KCNH5: variants seen among roughly 807,000 people sequenced by gnomAD.
The protein encoded by KCNH5 is voltage-gated delayed rectifier potassium channel KCNH5.
Under a neutral mutation model 96.1 loss-of-function variants are expected in KCNH5, and 46 were observed. The observed-to-expected ratio is 0.48, with a 90% CI of 0.38 to 0.61. The LOEUF (loss-of-function observed/expected upper bound fraction) is 0.61. KCNH5 is among the 20% of genes least tolerant of loss of function. The probability of loss-of-function intolerance (pLI) is 0.00; values close to 1 mark genes in which losing one functional copy is unlikely to be tolerated. For missense variants in KCNH5, 907 were observed against 1,225.8 expected, an observed-to-expected ratio of 0.74 and a Z score of 3.88; for synonymous variants, 439 against 449.8, an observed-to-expected ratio of 0.98 and a Z score of 0.30.
chr14:63,000,593 G>A (rs781322147), intron 4 of KCNH5, among the ~76,000 whole-genome samples: 49 of 152,192 alleles, frequency 3.2e-4, no homozygotes, highest in Non-Finnish European at 5.7e-4. Flanking sequence ...CTACACAACA[G>A]AATAAATAAA....
intron 7 of KCNH5, among the ~76,000 whole-genome samples, chr14:62,871,581 A>T (rs1006506292): frequency 6.6e-6 from 1 of 152,188 alleles, no homozygotes; most frequent in Non-Finnish European, 1.5e-5. Context: ...GAAATTTAGG[A>T]TGTAGTTCTG....
chr14:62,767,307 G>A (rs765881950), intron 10 of KCNH5, among the ~76,000 whole-genome samples: 1 of 152,128 alleles, frequency 6.6e-6, no homozygotes, highest in Non-Finnish European at 1.5e-5. Context: ...ATTTGACCCA[G>A]CAATCCCATT....
At chr14:62,806,644 C>T (rs1393484844) in intron 8 of KCNH5, among the ~76,000 whole-genome samples, 1 of 152,082 alleles carries the variant, frequency 6.6e-6, no homozygotes, top group Non-Finnish European at 1.5e-5. Flanking sequence ...AGAGGCTCAA[C>T]TTAGGGGAGT....
At chr14:62,779,954 G>A in intron 9 of KCNH5, 30 bp from the exon 10 acceptor site, 1 of 1,554,006 alleles carries the variant, frequency 6.4e-7, no homozygotes, top group South Asian at 1.2e-5. Flanking sequence ...ACATATTCAA[G>A]TATCTAACAC....
rs538481552 is a variant in KCNH5 at position 62,988,708 on chromosome 14, G to C, written c.434-1521C>G. Among the ~76,000 whole-genome samples the C allele has an allele frequency of 4.8e-4, 73 of 152,010 alleles. 4 individuals carry two copies. The South Asian group carries it at 5.6e-3, about 12-fold the overall frequency. On this transcript the variant is annotated intron_variant, in intron 4 of 10. Transcript: ENST00000322893. ...ATGTGCTGTGGAAACAAAAAAAAAG[G>C]GTATTAGATATGACACCAACTCTCT...
Position 62,817,786 on chromosome 14 carries a change from A to G in KCNH5, c.1570-15205T>C, listed in dbSNP as rs140287710. On this transcript the variant is annotated intron_variant, in intron 8 of 10. Coordinates refer to ENST00000322893, the MANE Select transcript of KCNH5 (RefSeq NM_139318.5). Reference sequence around the variant, plus strand: ...ATTCCTATATATTCTAGGAATATATATATATATTCTATATATATTCTAGGA... The same window carrying G: ...ATTCCTATATATTCTAGGAATATATGTATATATTCTATATATATTCTAGGA... Among the ~76,000 whole-genome samples, 572 of 128,146 alleles carry G rather than the reference A, an allele frequency of 4.5e-3. 28 individuals are homozygous for G. In the East Asian group the frequency reaches 0.16, roughly 37 times the overall value. The allele number at this position is 128,146 out of a possible 152,430, so 84.1% of individuals were successfully genotyped here.
At chr14:63,041,779 C>T (rs984533526) in intron 1 of KCNH5, among the ~76,000 whole-genome samples, 9 of 152,020 alleles carry the variant, frequency 5.9e-5, no homozygotes, top group African/African-American at 1.2e-4. Flanking sequence ...TTGCAATGCT[C>T]GCTTATAACA....
intron 8 of KCNH5, among the ~76,000 whole-genome samples, chr14:62,849,366 C>T (rs1566681197): frequency 1.3e-5 from 2 of 152,106 alleles, no homozygotes; most frequent in Non-Finnish European, 2.9e-5. Context: ...CAACAAATTA[C>T]TGTGAGAGGT....
intron 5 of KCNH5, among the ~76,000 whole-genome samples, chr14:62,983,320 G>T (rs1399585734): frequency 6.6e-6 from 1 of 151,346 alleles, no homozygotes; most frequent in African/African-American, 2.4e-5. Flanking sequence ...GTTCCAGTGA[G>T]CTGAGATCAC....
At position 63,045,046 on chromosome 14, in the gene KCNH5, T is replaced by C. The variant is rs567078443; in HGVS notation, c.73+68A>G. 1.3e-5 allele frequency: 15 copies of C among 1,189,822 alleles called. No homozygotes were observed. The African/African-American group carries it at 2.2e-4, about 18-fold the overall frequency. The allele number at this position is 1,189,822 out of a possible 1,614,324, so 73.7% of individuals were successfully genotyped here. ...CTCCCCCCTTGGGAGAGGGATGGGA[T>C]GGGGAGGATGGGGGGCGCGTGTGGG... On this transcript the variant is annotated intron_variant, in intron 1 of 10. Coordinates refer to ENST00000322893, the MANE Select transcript of KCNH5 (RefSeq NM_139318.5).
chr14:62,798,040 T>C (rs1886576010), intron 9 of KCNH5, among the ~76,000 whole-genome samples: 1 of 152,164 alleles, frequency 6.6e-6, no homozygotes, highest in African/African-American at 2.4e-5. Flanking sequence ...AAATAACTGA[T>C]TCTACTTAAA....
rs200341541 is a variant in KCNH5 at position 62,900,981 on chromosome 14, T to TTTTTG, written c.1369+49147_1369+49151dup. On this transcript the variant is annotated intron_variant, in intron 7 of 10. Coordinates refer to ENST00000322893, the MANE Select transcript of KCNH5 (RefSeq NM_139318.5). ...TAGTATACATGAAATGCTTCCTATC[T>TTTTTG]TTTTGTTTTGTTTTGTTTTGTTTTT... 3.1e-3 allele frequency among the ~76,000 whole-genome samples: 465 copies of TTTTTG among 152,140 alleles called. 7 individuals are homozygous for TTTTTG. The highest frequency in any genetic ancestry group is 0.01 in the African/African-American group (432 of 41,486).
At chr14:62,772,725 T>G (rs936870819) in intron 10 of KCNH5, among the ~76,000 whole-genome samples, 1 of 152,070 alleles carries the variant, frequency 6.6e-6, no homozygotes, top group Non-Finnish European at 1.5e-5. Flanking sequence ...TACAGCAGTA[T>G]TGACATGTTA....
chr14:62,980,705 T>C (rs373410349), intron 6 of KCNH5, among the ~76,000 whole-genome samples, 167 bp downstream of exon 6: 5 of 152,300 alleles, frequency 3.3e-5, no homozygotes, highest in Middle Eastern at 3.4e-3. Flanking sequence ...AAGAAACAGA[T>C]GAAAACTAAT....
intron 7 of KCNH5, among the ~76,000 whole-genome samples, chr14:62,925,272 A>G (rs1268708932): frequency 1.3e-5 from 2 of 152,036 alleles, no homozygotes; most frequent in Non-Finnish European, 1.5e-5. Flanking sequence ...GCCCACTTCA[A>G]CACTAATTAA....
chr14:62,714,526 G>A (rs1458508280), intron 10 of KCNH5, among the ~76,000 whole-genome samples: 1 of 152,070 alleles, frequency 6.6e-6, no homozygotes, highest in Non-Finnish European at 1.5e-5. Context: ...CTGGCAAATT[G>A]TAACTCAAAA....
chr14:62,964,296 G>A (rs1270439859), intron 6 of KCNH5, among the ~76,000 whole-genome samples: 1 of 152,074 alleles, frequency 6.6e-6, no homozygotes, highest in Non-Finnish European at 1.5e-5. Flanking sequence ...CATCACTTGA[G>A]GTCACTTGAA....
chr14:62,712,863 T>C (rs1884601777), intron 10 of KCNH5: 1 of 650,520 alleles, frequency 1.5e-6, no homozygotes, highest in Non-Finnish European at 2.8e-6. Context: ...CATGCTACCA[T>C]TTTGCAGCTT....
At chr14:62,880,245 T>G (rs180696851) in intron 7 of KCNH5, among the ~76,000 whole-genome samples, 87 of 152,294 alleles carry the variant, frequency 5.7e-4, no homozygotes, top group Non-Finnish European at 6.5e-4. Context: ...GAAAAGACAG[T>G]TCATTAGTGG....
Sources: gnomAD v4.1 joint callset for allele counts (sites outside exome capture counted in the v4.1 genomes callset) on GRCh38, gnomAD v4.1.1 for gene constraint, MANE v1.5 for transcripts, NCBI Gene and HGNC (gene_info 2026-07-23, HGNC 2026-07-21) for gene names.